TRAK1: variants seen among roughly 807,000 people sequenced by gnomAD.
The protein encoded by TRAK1 is trafficking kinesin protein 1.
Under a neutral mutation model 92.1 loss-of-function variants are expected in TRAK1, and 33 were observed. The observed-to-expected ratio is 0.36, with a 90% CI of 0.27 to 0.48. The LOEUF (loss-of-function observed/expected upper bound fraction) is 0.48, where lower values mean the gene tolerates loss of function less well. Among genes scored for constraint, TRAK1 ranks in the 20% least tolerant of loss-of-function variants. The pLI, the probability that TRAK1 is intolerant of heterozygous loss-of-function variation, is 0.99. For synonymous variants in TRAK1, 521 were observed against 517.3 expected (o/e 1.01, Z -0.10); for missense variants, 1,123 against 1,257.9 (o/e 0.89, Z 1.62).
chr3:42,146,548 C>T (rs755119513), intron 2 of TRAK1, among the ~76,000 whole-genome samples: 2 of 152,020 alleles, frequency 1.3e-5, no homozygotes, highest in Non-Finnish European at 2.9e-5. Flanking sequence ...ATTTCCTGTT[C>T]CTTTATTTTA....
At chr3:42,054,191 C>T (rs1703099026) in intron 1 of TRAK1, among the ~76,000 whole-genome samples, 2 of 152,202 alleles carry the variant, frequency 1.3e-5, no homozygotes, top group African/African-American at 2.4e-5. Flanking sequence ...ATTCAGGGCT[C>T]CTTATGTGCT....
At chr3:42,183,545 ACT>A (rs1704327258) in intron 3 of TRAK1, among the ~76,000 whole-genome samples, 1 of 129,928 alleles carries the variant, frequency 7.7e-6, no homozygotes. Flanking sequence ...ACAGAGTGAG[ACT>A]CTGTCTAAAA....
In TRAK1 at chr3:42,113,286, A is replaced by C. The variant is rs111613633; in HGVS notation, c.92-12134A>C. Among the ~76,000 whole-genome samples the C allele has an allele frequency of 3.9e-3, 588 of 152,272 alleles. 3 individuals carry two copies. Among genetic ancestry groups the C allele is most frequent in the African/African-American group, 0.013 (542 of 41,546 alleles). On this transcript the variant is annotated intron_variant, in intron 1 of 15. Transcript: ENST00000327628. ...TAATATTTGCCATTTAACCATTAAA[A>C]AAATTAATTTTCTCAAAAGCATTGT...
At chr3:42,193,014 C>A in intron 7 of TRAK1, 61 bp from the exon 8 acceptor site, 1 of 1,596,588 alleles carries the variant, frequency 6.3e-7, no homozygotes, top group Non-Finnish European at 8.5e-7. Context: ...AAACCATTCT[C>A]TCTGGGTCTG....
chr3:42,198,929 A>G (rs1413657038), intron 10 of TRAK1, among the ~76,000 whole-genome samples: 2 of 152,082 alleles, frequency 1.3e-5, no homozygotes, highest in Non-Finnish European at 2.9e-5. Context: ...TTAGACACCT[A>G]ATGGCATATG....
chr3:42,147,465 A>ATC (rs1559832231), intron 2 of TRAK1, among the ~76,000 whole-genome samples: 1 of 152,162 alleles, frequency 6.6e-6, no homozygotes, highest in African/African-American at 2.4e-5. Flanking sequence ...TGTCTCCTAC[A>ATC]TTTTCTGAAC....
intron 1 of TRAK1, among the ~76,000 whole-genome samples, chr3:42,095,237 C>G (rs905774715): frequency 6.6e-6 from 1 of 152,174 alleles, no homozygotes; most frequent in Non-Finnish European, 1.5e-5. Context: ...ATGTTGTCCT[C>G]AGCACAGCTC....
intron 1 of TRAK1, among the ~76,000 whole-genome samples, chr3:42,106,656 G>A (rs764372353): frequency 6.6e-6 from 1 of 152,106 alleles, no homozygotes; most frequent in African/African-American, 2.4e-5. Flanking sequence ...CTGCTTTGTA[G>A]GTTGTCCTTT....
intron 2 of TRAK1, among the ~76,000 whole-genome samples, chr3:42,162,764 A>G (rs190476127): frequency 6.8e-4 from 103 of 152,284 alleles, no homozygotes; most frequent in African/African-American, 2.0e-3. Context: ...ATATTTGACA[A>G]ACTCTGGTTA....
Position 42,223,779 on chromosome 3 carries a change from C to G in TRAK1, c.*42C>G. The G allele has an allele frequency of 1.4e-6, 1 of 724,234 alleles. No homozygotes were observed. Among genetic ancestry groups the G allele is most frequent in the Non-Finnish European group, 2.0e-6 (1 of 499,082 alleles). The allele number at this position is 724,234 out of a possible 1,614,324, so 44.9% of individuals were successfully genotyped here. The stretch of plus-strand genomic sequence containing the variant: ...GGTTGCCCTAGAGGAGACCCACGTT[C>G]TCCTCTCTTGCTCCCACCTCCCTCT... On this transcript the variant is annotated 3_prime_UTR_variant, in exon 16 of 16. Transcript: ENST00000327628. The surrounding 1 kb of genome is among the most constrained non-coding windows in gnomAD (Gnocchi z 6.1).
intron 11 of TRAK1, among the ~76,000 whole-genome samples, chr3:42,199,633 T>A (rs1707241035): frequency 6.6e-6 from 1 of 152,248 alleles, no homozygotes; most frequent in South Asian, 2.1e-4. Flanking sequence ...TTTAAAAAAA[T>A]CTTTTGTAGA....
intron 2 of TRAK1, among the ~76,000 whole-genome samples, chr3:42,138,916 T>TGTGTGTGTGC (rs1698318800): frequency 6.8e-6 from 1 of 146,308 alleles, no homozygotes; most frequent in South Asian, 2.2e-4. Context: ...TGTGTGTGTG[T>TGTGTGTGTGC]GTGTGTGTTT....
At chr3:42,017,498 C>T (rs186039178) in intron 1 of TRAK1, among the ~76,000 whole-genome samples, 44 of 152,294 alleles carry the variant, frequency 2.9e-4, no homozygotes, top group Non-Finnish European at 4.7e-4. Context: ...ACCTCCTTTT[C>T]CCCCCTTCTT....
intron 1 of TRAK1, among the ~76,000 whole-genome samples, chr3:42,035,531 G>C (rs550867350): frequency 1.2e-4 from 18 of 152,328 alleles, no homozygotes; most frequent in African/African-American, 3.8e-4. Context: ...GACATGGAGG[G>C]CACCGCTGTC....
chr3:42,135,830 G>A (rs541878543), intron 2 of TRAK1, among the ~76,000 whole-genome samples: 10 of 152,316 alleles, frequency 6.6e-5, no homozygotes, highest in Middle Eastern at 3.4e-3. Context: ...TGCTTTGGCT[G>A]TTGCCTCTCT....
intron 6 of TRAK1, among the ~76,000 whole-genome samples, chr3:42,189,854 T>G (rs1705435358): frequency 6.6e-6 from 1 of 152,188 alleles, no homozygotes; most frequent in Non-Finnish European, 1.5e-5. Flanking sequence ...CTTAAACAAT[T>G]AACTCAAAAA....
At chr3:42,029,035 A>G (rs1272636532) in intron 1 of TRAK1, among the ~76,000 whole-genome samples, 3 of 152,152 alleles carry the variant, frequency 2.0e-5, no homozygotes, top group Admixed American at 6.5e-5. Flanking sequence ...GAAACTTACA[A>G]TCATGGTGGA....
rs1202600432 is a variant in TRAK1 at position 42,125,598 on chromosome 3, G to C, written c.270G>C (p.Glu90Asp). ...NIDLTTEQIE[E>D]TLKYFLLCAE... ...ACCTCACAACCGAGCAAATTGAAGA[G>C]ACGTTAAAATACTTCCGTAAGTAGT... is the stretch of plus-strand genomic sequence containing the variant. Residue 90 changes from glutamate (E) to aspartate (D), a missense_variant, in exon 2 of 16, where the codon GAG (glutamate) becomes GAC (aspartate). Physicochemically the swap from Glu to Asp is conservative, Grantham distance 45. Around this residue, in one of 3 missense-constraint regions of TRAK1, gnomAD observed 686 missense variants for 747.6 expected, o/e 0.92. Coordinates refer to ENST00000327628, the MANE Select transcript of TRAK1 (RefSeq NM_001042646.3). The C allele has an allele frequency of 5.6e-6, 9 of 1,614,028 alleles. No individual in the cohort carries two copies. Among genetic ancestry groups the C allele is most frequent in the Non-Finnish European group, 7.6e-6 (9 of 1,180,014 alleles).
chr3:42,167,304 G>A (rs934907923), intron 2 of TRAK1, among the ~76,000 whole-genome samples: 1 of 152,118 alleles, frequency 6.6e-6, no homozygotes, highest in East Asian at 1.9e-4. Context: ...TGTCAACTGT[G>A]GCCCAAAATG....
Sources: allele counts gnomAD v4.1 joint callset (sites outside exome capture counted in the v4.1 genomes callset), GRCh38; gene constraint gnomAD v4.1.1; regional missense constraint gnomAD v4.1.1; non-coding constraint Gnocchi (gnomAD v3.1); transcripts MANE v1.5; gene names NCBI Gene and HGNC (gene_info 2026-07-23, HGNC 2026-07-21).